PCSK2: variants seen among roughly 807,000 people sequenced by gnomAD.
The protein encoded by PCSK2 is proprotein convertase subtilisin/kexin type 2, also known as neuroendocrine convertase 2.
In PCSK2, 14 loss-of-function variants were observed where a neutral mutation model predicts 69.7. That is an observed-to-expected ratio of 0.20 (90% CI 0.13 to 0.31). The LOEUF is 0.31. Ranked by LOEUF, PCSK2 falls within the 10% of genes least tolerant of loss-of-function variation. PCSK2 has a pLI of 1.00. For synonymous variants in PCSK2, 307 were observed against 320.7 expected (o/e 0.96, Z 0.46); for missense variants, 544 against 842.5 (o/e 0.65, Z 4.39).
At chr20:17,399,047 T>C (rs748989999) in intron 5 of PCSK2, among the ~76,000 whole-genome samples, 4 of 151,964 alleles carry the variant, frequency 2.6e-5, no homozygotes, top group African/African-American at 4.8e-5. Context: ...ATTTGTTCAA[T>C]GAAAAAAAAT....
intron 4 of PCSK2, among the ~76,000 whole-genome samples, chr20:17,364,638 G>A (rs1050621118): frequency 9.2e-5 from 14 of 151,846 alleles, no homozygotes; most frequent in African/African-American, 2.9e-4. Context: ...ATCCCCCACC[G>A]GGTCCCCCCA....
At chr20:17,346,117 G>A (rs1990645796) in intron 2 of PCSK2, among the ~76,000 whole-genome samples, 1 of 152,182 alleles carries the variant, frequency 6.6e-6, no homozygotes, top group Non-Finnish European at 1.5e-5. Flanking sequence ...TCCCCACCCA[G>A]CATCCTCCTT....
chr20:17,283,509 C>A (rs991507269), intron 2 of PCSK2, among the ~76,000 whole-genome samples: 1 of 152,194 alleles, frequency 6.6e-6, no homozygotes, highest in Non-Finnish European at 1.5e-5. Context: ...GATGAGCACA[C>A]ATAGAGCTAG....
intron 1 of PCSK2, among the ~76,000 whole-genome samples, chr20:17,237,778 A>G (rs767346206): frequency 6.6e-6 from 1 of 152,178 alleles, no homozygotes; most frequent in African/African-American, 2.4e-5. Flanking sequence ...GAAGGCAGGA[A>G]TAAAGGGTAC....
At chr20:17,381,862 G>A (rs907186909) in intron 5 of PCSK2, among the ~76,000 whole-genome samples, 1 of 152,182 alleles carries the variant, frequency 6.6e-6, no homozygotes, top group Non-Finnish European at 1.5e-5. Context: ...GCCAGTCCCT[G>A]TGTAGAGGCC....
At chr20:17,370,326 C>G (rs763514681) in intron 5 of PCSK2, among the ~76,000 whole-genome samples, 1 of 152,118 alleles carries the variant, frequency 6.6e-6, no homozygotes, top group East Asian at 1.9e-4. Flanking sequence ...TCCTGGAAGG[C>G]GAGTGTCTCT....
At chr20:17,255,915 GT>G (rs1987160945) in intron 1 of PCSK2, among the ~76,000 whole-genome samples, 2 of 152,186 alleles carry the variant, frequency 1.3e-5, no homozygotes, top group Admixed American at 1.3e-4. Context: ...ACAATCTGTA[GT>G]TTTCTTTTCT....
At chr20:17,273,056 C>G (rs776519299) in intron 2 of PCSK2, among the ~76,000 whole-genome samples, 11 of 152,024 alleles carry the variant, frequency 7.2e-5, no homozygotes, top group Non-Finnish European at 1.5e-4. Context: ...AATCAGAGAG[C>G]CAAAATCAAT....
At chr20:17,355,725 A>G (rs1435735124) in intron 2 of PCSK2, among the ~76,000 whole-genome samples, 1 of 151,980 alleles carries the variant, frequency 6.6e-6, no homozygotes, top group Non-Finnish European at 1.5e-5. Context: ...TTCAGGGAAA[A>G]TAATTGACCA....
chr20:17,303,473 ATATAT>A (rs1568593471), intron 2 of PCSK2, among the ~76,000 whole-genome samples: 2 of 48,398 alleles, frequency 4.1e-5, no homozygotes, highest in East Asian at 3.5e-4. Flanking sequence ...AATATATATT[ATATAT>A]AATATATATT....
At chr20:17,394,825 T>C (rs1432903734) in intron 5 of PCSK2, among the ~76,000 whole-genome samples, 2 of 152,218 alleles carry the variant, frequency 1.3e-5, no homozygotes, top group Non-Finnish European at 2.9e-5. Context: ...TTCCATAGTT[T>C]ATGAATTATG....
intron 11 of PCSK2, among the ~76,000 whole-genome samples, chr20:17,467,848 A>C (rs1285068038): frequency 6.6e-6 from 1 of 152,244 alleles, no homozygotes; most frequent in Non-Finnish European, 1.5e-5. Context: ...CTCATTCATG[A>C]CTAGATGTGA....
intron 5 of PCSK2, among the ~76,000 whole-genome samples, chr20:17,396,295 G>T (rs2031510007): frequency 1.3e-5 from 2 of 152,164 alleles, no homozygotes; most frequent in Non-Finnish European, 2.9e-5. Context: ...CTTTGAGCCA[G>T]CTACACTGGG....
intron 2 of PCSK2, among the ~76,000 whole-genome samples, chr20:17,332,612 C>T (rs916156975): frequency 6.6e-6 from 1 of 152,118 alleles, no homozygotes. Flanking sequence ...TTTCTAAGAC[C>T]CTGCTCCAGA....
intron 5 of PCSK2, among the ~76,000 whole-genome samples, chr20:17,398,455 T>C (rs2031562485): frequency 7.1e-6 from 1 of 140,890 alleles, no homozygotes; most frequent in Admixed American, 7.8e-5. Flanking sequence ...GCCCAGGAGT[T>C]GGAGGCTGCA....
In PCSK2 at chr20:17,346,737, T is replaced by C. The variant is rs376508372; in HGVS notation, c.283-11590T>C. Reference sequence around the variant, plus strand: ...ACCATTCCTGCCGTAATATCTGGCATAGAGCCTCCATCTTTTAATATCCTT... The same window carrying C: ...ACCATTCCTGCCGTAATATCTGGCACAGAGCCTCCATCTTTTAATATCCTT... On this transcript the variant is annotated intron_variant, in intron 2 of 11. Coordinates refer to ENST00000262545, the MANE Select transcript of PCSK2 (RefSeq NM_002594.5). Among the ~76,000 whole-genome samples, 14 of 152,334 alleles carry C rather than the reference T, an allele frequency of 9.2e-5. No homozygotes were observed. In the East Asian group the frequency reaches 9.7e-4, roughly 11 times the overall value.
At chr20:17,431,939 G>A (rs1258607478) in intron 7 of PCSK2, among the ~76,000 whole-genome samples, 1 of 152,190 alleles carries the variant, frequency 6.6e-6, no homozygotes, top group Non-Finnish European at 1.5e-5. Flanking sequence ...AGCGCCACCT[G>A]GTGGCCAACT....
intron 3 of PCSK2, among the ~76,000 whole-genome samples, chr20:17,358,926 G>A (rs2030299679): frequency 6.6e-6 from 1 of 152,178 alleles, no homozygotes; most frequent in Non-Finnish European, 1.5e-5. Flanking sequence ...TAAAACAATG[G>A]CAGGAAATCA....
At chr20:17,256,520 T>A (rs1987182403) in intron 1 of PCSK2, among the ~76,000 whole-genome samples, 1 of 152,192 alleles carries the variant, frequency 6.6e-6, no homozygotes, top group Non-Finnish European at 1.5e-5. Context: ...TATGACAGTT[T>A]GGAAACCAGA....
Sources: allele counts gnomAD v4.1 joint callset (sites outside exome capture counted in the v4.1 genomes callset), GRCh38; gene constraint gnomAD v4.1.1; transcripts MANE v1.5; gene names NCBI Gene and HGNC (gene_info 2026-07-23, HGNC 2026-07-21).